Variants in LAMA3 observed in about 807,000 individuals in gnomAD.
LAMA3 encodes laminin subunit alpha 3.
Under a neutral mutation model 402.0 loss-of-function variants are expected in LAMA3, and 281 were observed. The ratio of observed to expected loss-of-function variants is 0.70; its 90% confidence interval spans 0.63 to 0.77. The LOEUF is 0.77. LAMA3 is among the 30% of genes least tolerant of loss of function. LAMA3 has a pLI of 0.00. For synonymous variants in LAMA3, 1,431 were observed against 1,558.4 expected (o/e 0.92, Z 1.93); for missense variants, 3,840 against 4,215.5 (o/e 0.91, Z 2.47).
chr18:23,928,295 C>A, intron 63 of LAMA3, 55 bp downstream of exon 63: 1 of 1,125,222 alleles, frequency 8.9e-7, no homozygotes, highest in Non-Finnish European at 1.4e-6. Flanking sequence ...ACCCACCTTC[C>A]GTATCCATTA....
intron 12 of LAMA3, among the ~76,000 whole-genome samples, chr18:23,798,952 C>T (rs1236149167): frequency 6.6e-6 from 1 of 152,222 alleles, no homozygotes; most frequent in African/African-American, 2.4e-5. Flanking sequence ...TTATTCATGG[C>T]AATGTCTGTC....
At chr18:23,826,053 C>A (rs2063376291) in intron 21 of LAMA3, among the ~76,000 whole-genome samples, 1 of 152,146 alleles carries the variant, frequency 6.6e-6, no homozygotes, top group Non-Finnish European at 1.5e-5. Flanking sequence ...CTTTGCCCTC[C>A]CCTCTTCCCT....
chr18:23,859,152 G>A (rs1242868164), intron 34 of LAMA3, among the ~76,000 whole-genome samples: 5 of 152,062 alleles, frequency 3.3e-5, no homozygotes, highest in Non-Finnish European at 1.5e-5. Flanking sequence ...TACACCCCTA[G>A]TGCCTAGAAC....
rs1447921945 is a variant in LAMA3 at position 23,899,529 on chromosome 18, A to G, written c.6004+74A>G. The G allele has an allele frequency of 3.5e-6, 5 of 1,448,862 alleles. No individual in the cohort carries two copies. The African/African-American group carries it at 5.6e-5, about 16-fold the overall frequency. 89.8% of individuals were successfully genotyped at this position (1,448,862 alleles called of 1,614,324 possible). ...AAACACAACGTGCAGAGTGCAATGT[A>G]GAGTTCCCCGTTATAGGTGGAAGGC... is the stretch of plus-strand genomic sequence containing the variant. On this transcript the variant is annotated intron_variant, in intron 47 of 74. Transcript: ENST00000313654.
intron 8 of LAMA3, among the ~76,000 whole-genome samples, chr18:23,767,866 C>A (rs2062109779): frequency 6.6e-6 from 1 of 151,998 alleles, no homozygotes. Context: ...AGCCACCGTG[C>A]CTGGCAAGGA....
chr18:23,706,702 G>A (rs1315088896), intron 1 of LAMA3, among the ~76,000 whole-genome samples: 1 of 152,114 alleles, frequency 6.6e-6, no homozygotes, highest in Non-Finnish European at 1.5e-5. Flanking sequence ...TTTCTGTTGA[G>A]AGTTCTTCGT....
Position 23,914,864 on chromosome 18 carries a change from A to G in LAMA3, c.7644+4A>G. The G allele has an allele frequency of 6.2e-7, 1 of 1,602,994 alleles. No homozygotes were observed. The highest frequency in any genetic ancestry group is 8.5e-7 in the Non-Finnish European group (1 of 1,170,054). ...AGGTTACCCACCTGATTTTAAAGTA[A>G]GTGTAAATGTTATTTCACTGAATTA... On this transcript the variant is annotated splice_donor_region_variant and intron_variant, in intron 58 of 74. Transcript: ENST00000313654.
At chr18:23,742,622 T>A (rs1568134105) in intron 2 of LAMA3, among the ~76,000 whole-genome samples, 2 of 151,478 alleles carry the variant, frequency 1.3e-5, no homozygotes, top group African/African-American at 4.9e-5. Context: ...TATTATGATG[T>A]CTGTAACTTC....
intron 18 of LAMA3, 87 bp from the exon 19 acceptor site, chr18:23,819,754 C>A: frequency 8.5e-7 from 1 of 1,175,658 alleles, no homozygotes; most frequent in Non-Finnish European, 1.3e-6. Context: ...TGGTGGAGTT[C>A]TTTCATAGTA....
chr18:23,694,067 C>A (rs566951012), intron 1 of LAMA3, among the ~76,000 whole-genome samples: 1 of 152,340 alleles, frequency 6.6e-6, no homozygotes, highest in Non-Finnish European at 1.5e-5. Flanking sequence ...CTCATGTCAA[C>A]AGGGTGGAAA....
intron 37 of LAMA3, among the ~76,000 whole-genome samples, chr18:23,869,738 G>A (rs368845323): frequency 5.9e-5 from 9 of 152,138 alleles, no homozygotes; most frequent in African/African-American, 2.2e-4. Flanking sequence ...TAAAAACTGA[G>A]TTCAACAAGG....
At chr18:23,836,428 C>T (rs1941512) in intron 24 of LAMA3, among the ~76,000 whole-genome samples, 1 of 152,058 alleles carries the variant, frequency 6.6e-6, no homozygotes, top group South Asian at 2.1e-4. Flanking sequence ...TGGTTCAAAA[C>T]TGTGAGCTTT....
intron 1 of LAMA3, chr18:23,709,777 C>G (rs893134972): frequency 4.2e-5 from 25 of 594,002 alleles, no homozygotes; most frequent in Non-Finnish European, 6.9e-5. Flanking sequence ...TCTTTTCTTT[C>G]TTTCTTTCTT....
Position 23,748,014 on chromosome 18 carries a change from A to C in LAMA3, c.519A>C (p.Arg173Ser), listed in dbSNP as rs760763985. The C allele has an allele frequency of 6.2e-7, 1 of 1,613,704 alleles. No homozygotes were observed. The change falls in exon 3 of 75, where the codon AGA becomes AGC. Residue 173 changes from arginine to serine, a missense_variant. Physicochemically the swap from Arg to Ser is moderately radical, Grantham distance 110. Around this residue, in one of 3 missense-constraint regions of LAMA3, gnomAD observed 2,109 missense variants for 2,376.0 expected, o/e 0.89. Coordinates refer to ENST00000313654, the MANE Select transcript of LAMA3 (RefSeq NM_198129.4). ...SPRPDLWVLE[R>S]SVDFGSTYSP... ...GCCCTGATCTTTGGGTCTTGGAAAG[A>C]TCTGTAGACTTTGGAAGCACCTACT... is the stretch of plus-strand genomic sequence containing the variant.
chr18:23,837,104 T>C lies in LAMA3; in HGVS notation c.3093+15T>C. ...GATTCCTTCTGGTATGCTTCTGTTT[T>C]GCCCATTGAATTTTAGAAGCATTTT... On this transcript the variant is annotated intron_variant, in intron 25 of 74. Transcript: ENST00000313654. The C allele has an allele frequency of 6.4e-7, 1 of 1,565,000 alleles. No homozygotes were observed.
At chr18:23,764,910 G>T (rs1483056037) in intron 8 of LAMA3, among the ~76,000 whole-genome samples, 1 of 152,136 alleles carries the variant, frequency 6.6e-6, no homozygotes, top group Non-Finnish European at 1.5e-5. Flanking sequence ...GGTCTCAATT[G>T]ATTGTCTTTT....
chr18:23,811,538 C>G (rs1275170118), intron 13 of LAMA3, among the ~76,000 whole-genome samples: 1 of 152,150 alleles, frequency 6.6e-6, no homozygotes, highest in Non-Finnish European at 1.5e-5. Flanking sequence ...CTGCTCACCT[C>G]CATGGGCCTC....
At position 23,950,145 on chromosome 18, in the gene LAMA3, C is replaced by G. The variant is rs1444627380; in HGVS notation, c.9628C>G (p.Leu3210Val). The G allele has an allele frequency of 6.2e-7, 1 of 1,614,008 alleles. No homozygotes were observed. The highest frequency in any genetic ancestry group is 1.3e-5 in the African/African-American group (1 of 74,984). ...SQPGKHLCVYLEAGKVTASMD... is the reference protein window; with the variant it reads ...SQPGKHLCVYVEAGKVTASMD... ...GCCCGGGAAGCACTTATGTGTTTAC[C>G]TGGAGGCAGGAAAGGTGTGTAGCAG... The change falls in exon 72 of 75, where the codon CTG becomes GTG. Residue 3210 changes from leucine to valine, a missense_variant. Leu to Val is a conservative substitution (Grantham distance 32, BLOSUM62 1). Around this residue, in one of 3 missense-constraint regions of LAMA3, gnomAD observed 840 missense variants for 981.9 expected, o/e 0.86. Transcript: ENST00000313654.
intron 12 of LAMA3, among the ~76,000 whole-genome samples, chr18:23,790,807 CTTAT>C (rs1053036009): frequency 2.6e-5 from 4 of 152,054 alleles, no homozygotes; most frequent in South Asian, 4.1e-4. Flanking sequence ...AGCACTCTGT[CTTAT>C]TTTTTACCAT....
Sources: gnomAD v4.1 joint callset for allele counts (sites outside exome capture counted in the v4.1 genomes callset) on GRCh38, gnomAD v4.1.1 for gene constraint, gnomAD v4.1.1 regional missense constraint, MANE v1.5 for transcripts, NCBI Gene and HGNC (gene_info 2026-07-23, HGNC 2026-07-21) for gene names.